The following PDE11A variants were observed in gnomAD, a reference collection of about 807,000 sequenced individuals.
The protein encoded by PDE11A is dual 3',5'-cyclic-AMP and -GMP phosphodiesterase 11A.
Under a neutral mutation model 100.5 loss-of-function variants are expected in PDE11A, and 100 were observed. The ratio of observed to expected loss-of-function variants is 1.00; its 90% CI spans 0.85 to 1.18. The LOEUF (loss-of-function observed/expected upper bound fraction) is 1.18, where lower values mean the gene tolerates loss of function less well. Ranked by LOEUF, PDE11A falls within the 50% of genes most tolerant of loss-of-function variation. The pLI is 0.00. For synonymous variants in PDE11A, 381 were observed against 420.8 expected, an observed-to-expected ratio of 0.91 and a Z score of 1.16; for missense variants, 1,141 against 1,152.6, an observed-to-expected ratio of 0.99 and a Z score of 0.15.
chr2:177,737,557 C>T (rs1288453302), intron 10 of PDE11A, among the ~76,000 whole-genome samples: 4 of 150,590 alleles, frequency 2.7e-5, no homozygotes, highest in African/African-American at 4.9e-5. Flanking sequence ...GCTGAGATCA[C>T]GCCACTGCAC....
At chr2:177,784,488 A>C (rs776666979) in intron 9 of PDE11A, among the ~76,000 whole-genome samples, 27 of 151,992 alleles carry the variant, frequency 1.8e-4, no homozygotes, top group Non-Finnish European at 2.9e-4. Context: ...TGAATAATCT[A>C]CTCCTTGTTT....
intron 2 of PDE11A, chr2:177,998,173 C>T (rs1490463478): frequency 2.2e-6 from 2 of 919,866 alleles, no homozygotes; most frequent in African/African-American, 3.2e-5. Flanking sequence ...GCTTTTTAAC[C>T]CAGACAGTAA....
chr2:178,075,092 A>G (rs1257638211), upstream of PDE11A, among the ~76,000 whole-genome samples: 1 of 152,160 alleles, frequency 6.6e-6, no homozygotes, highest in Non-Finnish European at 1.5e-5. Flanking sequence ...ACAAAGGTGG[A>G]ATATAGGTAA....
intron 10 of PDE11A, among the ~76,000 whole-genome samples, chr2:177,731,361 T>C (rs2081686711): frequency 6.6e-6 from 1 of 152,216 alleles, no homozygotes; most frequent in South Asian, 2.1e-4. Context: ...GTAGGGGGAA[T>C]GTGTCTGACC....
chr2:177,787,531 A>C (rs371221292), intron 9 of PDE11A, among the ~76,000 whole-genome samples: 22 of 152,122 alleles, frequency 1.4e-4, no homozygotes, highest in Non-Finnish European at 2.8e-4. Context: ...CAAATTCACA[A>C]ATAACAATAT....
chr2:177,940,816 G>T (rs2085337734), intron 2 of PDE11A, among the ~76,000 whole-genome samples: 2 of 152,256 alleles, frequency 1.3e-5, no homozygotes, highest in Admixed American at 1.3e-4. Flanking sequence ...GTAGGACATC[G>T]TTTACCCTCT....
At chr2:177,906,956 T>C (rs1016118257) in intron 2 of PDE11A, among the ~76,000 whole-genome samples, 4 of 152,222 alleles carry the variant, frequency 2.6e-5, no homozygotes, top group African/African-American at 9.6e-5. Flanking sequence ...AGGAGACTTA[T>C]TTTAACTTTC....
At chr2:177,656,420 C>T (rs148820959) in intron 19 of PDE11A, among the ~76,000 whole-genome samples, 25 of 152,308 alleles carry the variant, frequency 1.6e-4, no homozygotes, top group South Asian at 4.1e-4. Context: ...GTACACTCTA[C>T]GATGTTTGCA....
At position 177,997,393 on chromosome 2, in the gene PDE11A, AC is replaced by A. The variant is rs1243178009; in HGVS notation, c.1071+16908del. On this transcript the variant is annotated intron_variant, in intron 2 of 19. Transcript: ENST00000286063. ...GTGGTGAACCTGAAGTTGTATATTCACTGGCTCTCTTTTGCCCAATCTCAAC... is the reference window on the plus strand; with the variant it reads ...GTGGTGAACCTGAAGTTGTATATTCATGGCTCTCTTTTGCCCAATCTCAAC... The A allele has an allele frequency of 4.8e-5, 40 of 824,906 alleles. No homozygotes were observed. The East Asian group carries it at 7.2e-4, about 15-fold the overall frequency. 51.1% of individuals were successfully genotyped at this position (824,906 alleles called of 1,614,324 possible). A position where few individuals can be genotyped will look rare whatever the true frequency, so the allele number is the denominator to read the frequency against.
chr2:177,702,845 A>G (rs1440716403), intron 13 of PDE11A: 1 of 152,148 alleles, frequency 6.6e-6, no homozygotes, highest in African/African-American at 2.4e-5. Context: ...GATTTTAATC[A>G]TATATGTGTT....
intron 10 of PDE11A, among the ~76,000 whole-genome samples, chr2:177,751,381 G>A (rs2082024321): frequency 6.6e-6 from 1 of 152,096 alleles, no homozygotes; most frequent in South Asian, 2.1e-4. Context: ...TTATGTAAAT[G>A]ACTAATAGCG....
At chr2:177,965,595 A>G (rs2085688342) in intron 2 of PDE11A, among the ~76,000 whole-genome samples, 1 of 152,208 alleles carries the variant, frequency 6.6e-6, no homozygotes, top group Admixed American at 6.5e-5. Flanking sequence ...CAGTTATCCC[A>G]GCACCATTTA....
intron 15 of PDE11A, among the ~76,000 whole-genome samples, chr2:177,682,974 T>C (rs571326218): frequency 1.5e-4 from 21 of 136,676 alleles, no homozygotes; most frequent in Non-Finnish European, 2.5e-4. Flanking sequence ...ATATAATTTA[T>C]GGTAGAAATC....
chr2:178,079,531 G>T (rs1024791267), intron 2 of PDE11A, among the ~76,000 whole-genome samples: 5 of 152,026 alleles, frequency 3.3e-5, no homozygotes, highest in African/African-American at 1.2e-4. Flanking sequence ...TCTTTATCCA[G>T]TCTATCATTG....
intron 9 of PDE11A, among the ~76,000 whole-genome samples, chr2:177,792,528 G>C (rs2082647542): frequency 6.6e-6 from 1 of 152,162 alleles, no homozygotes; most frequent in Non-Finnish European, 1.5e-5. Context: ...TATTTGCACT[G>C]GTTATGCAGG....
At chr2:178,019,460 T>C (rs1451744447) in intron 1 of PDE11A, among the ~76,000 whole-genome samples, 1 of 152,132 alleles carries the variant, frequency 6.6e-6, no homozygotes, top group African/African-American at 2.4e-5. Flanking sequence ...AATATAAAAA[T>C]ATATTCTATG....
chr2:178,104,194 TG>T, intron 2 of PDE11A: 3 of 954,866 alleles, frequency 3.1e-6, no homozygotes, highest in Non-Finnish European at 5.1e-6. Context: ...ATGTAAAGAG[TG>T]GTCCATTTTT....
rs2084764212 is a variant in PDE11A at position 177,905,120 on chromosome 2, C to T, written c.1139G>A (p.Arg380Lys). The stretch of plus-strand genomic sequence containing the variant: ...CACTCTGCTTCTTTCATATTCTTTC[C>T]TTGAGGCAGCAAAGAGCTGAGCGTT... ...ISNAQLFAASRKEYERSRALL... is the reference protein window; with the variant it reads ...ISNAQLFAASKKEYERSRALL... The change falls in exon 3 of 20, where the codon AGG becomes AAG. Residue 380 changes from arginine to lysine, a missense_variant. Physicochemically the swap from Arg to Lys is conservative, Grantham distance 26. Transcript: ENST00000286063. 6.2e-7 allele frequency: 1 copy of T among 1,601,726 alleles called. No homozygotes were observed. Among genetic ancestry groups the T allele is most frequent in the Non-Finnish European group, 8.6e-7 (1 of 1,168,804 alleles).
intron 9 of PDE11A, among the ~76,000 whole-genome samples, chr2:177,771,098 G>A (rs2082305578): frequency 6.6e-6 from 1 of 152,084 alleles, no homozygotes; most frequent in Non-Finnish European, 1.5e-5. Flanking sequence ...CAAAGTGCTG[G>A]GATTATAGGC....
Sources: gnomAD v4.1 joint callset for allele counts (sites outside exome capture counted in the v4.1 genomes callset) on GRCh38, gnomAD v4.1.1 for gene constraint, MANE v1.5 for transcripts, NCBI Gene and HGNC (gene_info 2026-07-23, HGNC 2026-07-21) for gene names.